The following ADCY9 variants were observed in gnomAD, a reference collection of about 807,000 sequenced individuals.
ADCY9 encodes adenylate cyclase type 9.
Under a neutral mutation model 101.5 loss-of-function variants are expected in ADCY9, and 50 were observed. That is an observed-to-expected ratio of 0.49 (90% CI 0.39 to 0.62). The LOEUF is 0.62. Among genes scored for constraint, ADCY9 ranks in the 20% least tolerant of loss-of-function variants. The probability of loss-of-function intolerance (pLI) is 0.00; values close to 1 mark genes in which losing one functional copy is unlikely to be tolerated. For synonymous variants in ADCY9, 905 were observed against 769.3 expected, an observed-to-expected ratio of 1.18 and a Z score of -2.92; for missense variants, 1,662 against 1,800.4, an observed-to-expected ratio of 0.92 and a Z score of 1.39.
At chr16:4,093,422 A>C (rs368182582) in intron 2 of ADCY9, among the ~76,000 whole-genome samples, 2 of 152,382 alleles carry the variant, frequency 1.3e-5, no homozygotes, top group South Asian at 2.1e-4. Flanking sequence ...CATTTACATC[A>C]AATTATAATT....
intron 2 of ADCY9, among the ~76,000 whole-genome samples, chr16:4,087,051 T>C (rs1329385755): frequency 6.6e-6 from 1 of 152,096 alleles, no homozygotes; most frequent in South Asian, 2.1e-4. Context: ...TATTCCATTC[T>C]GATACTGCGC....
At chr16:4,082,703 C>T (rs1191130846) in intron 2 of ADCY9, among the ~76,000 whole-genome samples, 2 of 106,918 alleles carry the variant, frequency 1.9e-5, no homozygotes, top group East Asian at 1.0e-3. Flanking sequence ...CATATATGCA[C>T]ACCCACGCAT....
chr16:4,036,082 T>G (rs1216583082), intron 2 of ADCY9, among the ~76,000 whole-genome samples: 5 of 120,154 alleles, frequency 4.2e-5, no homozygotes, highest in African/African-American at 1.3e-4. Flanking sequence ...GCTCCTTAGA[T>G]CCCATGATGC....
At chr16:4,000,155 C>A (rs753957096) in intron 3 of ADCY9, among the ~76,000 whole-genome samples, 5 of 152,230 alleles carry the variant, frequency 3.3e-5, no homozygotes, top group Non-Finnish European at 7.3e-5. Flanking sequence ...ATTGCAACCA[C>A]AATAACCACA....
intron 2 of ADCY9, among the ~76,000 whole-genome samples, chr16:4,093,505 C>T (rs935896028): frequency 6.6e-6 from 1 of 152,178 alleles, no homozygotes; most frequent in Non-Finnish European, 1.5e-5. Context: ...ATGGCTAAAT[C>T]TCAATCAAAG....
chr16:4,053,838 A>G (rs1450980891), intron 2 of ADCY9, among the ~76,000 whole-genome samples: 3 of 152,100 alleles, frequency 2.0e-5, no homozygotes, highest in African/African-American at 7.2e-5. Context: ...CGGTAATAAA[A>G]CACAGCATTT....
intron 2 of ADCY9, among the ~76,000 whole-genome samples, chr16:4,021,157 T>C (rs989655435): frequency 5.9e-5 from 9 of 152,178 alleles, no homozygotes; most frequent in African/African-American, 1.9e-4. Context: ...CTCTCTGATC[T>C]TTCACACCCA....
rs113331532 is a variant in ADCY9 at position 3,969,466 on chromosome 16, T to G, written c.2871-2500A>C. On this transcript the variant is annotated intron_variant, in intron 10 of 10. Transcript: ENST00000294016. ...GTTGGCTGGGCTGGTCTCAAACTCC[T>G]GACCTAAAGTGATCTGCCCGCCTCG... is the stretch of plus-strand genomic sequence containing the variant. Among the ~76,000 whole-genome samples the G allele has an allele frequency of 2.5e-3, 370 of 145,126 alleles. 2 individuals are homozygous for G. The highest frequency in any genetic ancestry group is 4.2e-3 in the Non-Finnish European group (278 of 65,864).
intron 3 of ADCY9, among the ~76,000 whole-genome samples, chr16:4,006,403 G>A (rs552192719): frequency 4.4e-4 from 67 of 152,306 alleles, no homozygotes; most frequent in African/African-American, 1.5e-3. Context: ...GTAACTGGGC[G>A]ACAGGCACTA....
chr16:3,983,546 G>T, intron 6 of ADCY9, 106 bp from the exon 7 acceptor site: 1 of 959,598 alleles, frequency 1.0e-6, no homozygotes, highest in Non-Finnish European at 1.6e-6. Context: ...GCTGCTCTGG[G>T]CCAGGCACAG....
At chr16:3,984,292 C>T (rs1016063319) in intron 6 of ADCY9, 1 of 152,294 alleles carries the variant, frequency 6.6e-6, no homozygotes, top group Non-Finnish European at 1.5e-5. Context: ...AGCGGGGCTT[C>T]GTGGCGGAAG....
chr16:4,040,341 C>T (rs934614480), intron 2 of ADCY9, among the ~76,000 whole-genome samples: 7 of 152,080 alleles, frequency 4.6e-5, no homozygotes, highest in African/African-American at 1.7e-4. Context: ...TTTACTTAAT[C>T]AAGAAAGCTT....
At chr16:3,968,383 C>T (rs1421244624) in intron 10 of ADCY9, among the ~76,000 whole-genome samples, 1 of 151,506 alleles carries the variant, frequency 6.6e-6, no homozygotes, top group East Asian at 2.0e-4. Flanking sequence ...CCGCCCACCT[C>T]AGCCTCCCAA....
intron 2 of ADCY9, among the ~76,000 whole-genome samples, chr16:4,039,679 C>CA (rs35158886): frequency 0.078 from 5,029 of 64,240 alleles, 194 homozygotes; most frequent in Non-Finnish European, 0.1. Flanking sequence ...AACTCTGTCT[C>CA]AAAAAAAAAA....
intron 6 of ADCY9, among the ~76,000 whole-genome samples, chr16:3,988,062 C>T (rs1234851471): frequency 6.6e-6 from 1 of 151,954 alleles, no homozygotes; most frequent in South Asian, 2.1e-4. Context: ...AGGAGAGAGA[C>T]GGGGGTCCTA....
chr16:4,097,133 G>A (rs1269177610), intron 2 of ADCY9, among the ~76,000 whole-genome samples: 1 of 151,902 alleles, frequency 6.6e-6, no homozygotes, highest in African/African-American at 2.4e-5. Flanking sequence ...CATTTCCTGG[G>A]CCTCCCCTAA....
chr16:4,026,397 C>G (rs924133673), intron 2 of ADCY9, among the ~76,000 whole-genome samples: 1 of 136,150 alleles, frequency 7.3e-6, no homozygotes, highest in African/African-American at 2.7e-5. Context: ...GCACTCCAGC[C>G]TGAGCCAACA....
chr16:4,035,816 A>G (rs749210208), intron 2 of ADCY9, among the ~76,000 whole-genome samples: 2 of 151,896 alleles, frequency 1.3e-5, no homozygotes, highest in South Asian at 2.1e-4. Flanking sequence ...CCTGACCAAC[A>G]TGGAAAAACC....
At position 4,085,640 on chromosome 16, in the gene ADCY9, G is replaced by A. The variant is rs8046986; in HGVS notation, c.1693+28110C>T. Among the ~76,000 whole-genome samples the A allele has an allele frequency of 1.3e-3, 193 of 152,194 alleles. 1 individual carries two copies. Among genetic ancestry groups the A allele is most frequent in the Middle Eastern group, 6.8e-3 (2 of 294 alleles). ...GTTACATGGAAGTGAACAGGACCTC[G>A]TCGAAGAGGGAGAGGTCTGCGTTGC... is the stretch of plus-strand genomic sequence containing the variant. On this transcript the variant is annotated intron_variant, in intron 2 of 10. Transcript: ENST00000294016.
Sources: gnomAD v4.1 joint callset for allele counts (sites outside exome capture counted in the v4.1 genomes callset) on GRCh38, gnomAD v4.1.1 for gene constraint, MANE v1.5 for transcripts, NCBI Gene and HGNC (gene_info 2026-07-23, HGNC 2026-07-21) for gene names.